ATP8A2: variants seen among roughly 807,000 people sequenced by gnomAD.
The protein encoded by ATP8A2 is phospholipid-transporting ATPase IB.
In ATP8A2, 100 loss-of-function variants were observed where a neutral mutation model predicts 165.6. That is an observed-to-expected ratio of 0.60 (90% confidence interval 0.51 to 0.71). ATP8A2 has a LOEUF of 0.71. ATP8A2 is among the 30% of genes least tolerant of loss of function. The pLI, the probability that ATP8A2 is intolerant of heterozygous loss-of-function variation, is 0.00. For missense variants in ATP8A2, 1,227 were observed against 1,479.5 expected, an observed-to-expected ratio of 0.83 and a Z score of 2.80; for synonymous variants, 543 against 548.8, an observed-to-expected ratio of 0.99 and a Z score of 0.15.
chr13:25,418,059 G>T (rs1176538757), intron 1 of ATP8A2, among the ~76,000 whole-genome samples: 1 of 152,080 alleles, frequency 6.6e-6, no homozygotes. Context: ...ATTTCCCCCT[G>T]TTAACAGACT....
intron 24 of ATP8A2, among the ~76,000 whole-genome samples, chr13:25,623,814 C>A (rs942422835): frequency 2.6e-5 from 4 of 151,754 alleles, no homozygotes; most frequent in African/African-American, 9.7e-5. Flanking sequence ...TCTAGATGAG[C>A]ATAAATGCAT....
chr13:25,944,624 AC>A (rs1955158129), intron 33 of ATP8A2: 1 of 152,286 alleles, frequency 6.6e-6, no homozygotes, highest in African/African-American at 2.4e-5. Context: ...GGAGCAGGGG[AC>A]CACCAGGTTG....
In ATP8A2 at chr13:25,966,302, G is replaced by A. The variant is rs1417507164; in HGVS notation, c.3273-2273G>A. ...CTGTCAAAGCTATGACTCAGAACAC[G>A]CCAAACGCCAGCTCCTGGTAAGACC... On this transcript the variant is annotated intron_variant, in intron 34 of 36. Transcript: ENST00000381655. Among the ~76,000 whole-genome samples, 4 of 152,176 alleles carry A rather than the reference G, an allele frequency of 2.6e-5. No homozygotes were observed. In the South Asian group the frequency reaches 6.2e-4, roughly 24 times the overall value.
At chr13:25,625,708 A>G (rs959186493) in intron 24 of ATP8A2, among the ~76,000 whole-genome samples, 6 of 152,232 alleles carry the variant, frequency 3.9e-5, no homozygotes, top group Admixed American at 2.6e-4. Context: ...CTTGCATCAC[A>G]TGACTGTTAC....
chr13:25,722,077 G>T (rs1177003793), intron 25 of ATP8A2, among the ~76,000 whole-genome samples: 1 of 152,176 alleles, frequency 6.6e-6, no homozygotes, highest in Non-Finnish European at 1.5e-5. Context: ...GTGTGGAAAG[G>T]TTCTAATTCC....
intron 10 of ATP8A2, among the ~76,000 whole-genome samples, chr13:25,544,188 G>A (rs1212520747): frequency 2.6e-5 from 4 of 152,188 alleles, no homozygotes; most frequent in Admixed American, 6.5e-5. Context: ...GCTTATCCTC[G>A]GGGAGCCAGT....
At position 25,931,248 on chromosome 13, in the gene ATP8A2, C is replaced by T. The variant is rs551002462; in HGVS notation, c.3184-30327C>T. Among the ~76,000 whole-genome samples the T allele has an allele frequency of 9.3e-4, 141 of 152,310 alleles. 1 individual carries two copies. The highest frequency in any genetic ancestry group is 3.4e-3 in the Middle Eastern group (1 of 294). On this transcript the variant is annotated intron_variant, in intron 33 of 36. Transcript: ENST00000381655. ...CCTAAGGGAAAAAGAAAATCACCTT[C>T]AGGTTATGTCTGTGAGGTATATATG... is the stretch of plus-strand genomic sequence containing the variant.
At chr13:25,946,780 C>A (rs1311154827) in intron 33 of ATP8A2, among the ~76,000 whole-genome samples, 2 of 152,150 alleles carry the variant, frequency 1.3e-5, no homozygotes, top group African/African-American at 2.4e-5. Context: ...CAGAGTCTTA[C>A]TCTGTTGCCC....
intron 2 of ATP8A2, among the ~76,000 whole-genome samples, chr13:25,514,599 G>C (rs969136005): frequency 6.6e-6 from 1 of 152,158 alleles, no homozygotes; most frequent in Non-Finnish European, 1.5e-5. Flanking sequence ...CCAGAAGAAG[G>C]GGGCTTGTGA....
intron 1 of ATP8A2, among the ~76,000 whole-genome samples, chr13:25,465,402 A>G (rs9511815): frequency 0.98 from 149,052 of 152,226 alleles, 73,023 homozygotes; most frequent in Non-Finnish European, 0.99. Context: ...AGCTGTGTTG[A>G]CCTGAAGCAT....
At chr13:25,658,888 C>T (rs1006259285) in intron 24 of ATP8A2, among the ~76,000 whole-genome samples, 1 of 152,160 alleles carries the variant, frequency 6.6e-6, no homozygotes, top group African/African-American at 2.4e-5. Flanking sequence ...AGTCAATAAA[C>T]TCAACCTGGT....
intron 1 of ATP8A2, among the ~76,000 whole-genome samples, chr13:25,401,265 T>C (rs1468080102): frequency 6.6e-6 from 1 of 152,206 alleles, no homozygotes; most frequent in Non-Finnish European, 1.5e-5. Flanking sequence ...AAATGTGCCA[T>C]TTAAAATGAG....
chr13:25,600,053 G>A (rs1252011423), intron 24 of ATP8A2, among the ~76,000 whole-genome samples: 1 of 152,108 alleles, frequency 6.6e-6, no homozygotes, highest in Non-Finnish European at 1.5e-5. Context: ...GTTAAGAATT[G>A]TTAATTAAGT....
At chr13:25,879,520 T>C (rs1952914882) in intron 33 of ATP8A2, among the ~76,000 whole-genome samples, 1 of 152,244 alleles carries the variant, frequency 6.6e-6, no homozygotes, top group African/African-American at 2.4e-5. Context: ...CCAAGGAGGC[T>C]ACTTCGGACC....
At chr13:25,570,363 G>T (rs1026344531) in intron 16 of ATP8A2, among the ~76,000 whole-genome samples, 2 of 152,226 alleles carry the variant, frequency 1.3e-5, no homozygotes, top group South Asian at 4.1e-4. Context: ...ACAGGGAGGC[G>T]GAAGCAGAGG....
chr13:25,401,650 A>G (rs1209844750), intron 1 of ATP8A2, among the ~76,000 whole-genome samples: 2 of 152,220 alleles, frequency 1.3e-5, no homozygotes, highest in Non-Finnish European at 2.9e-5. Context: ...AGATGTGTCC[A>G]GTATTCATGG....
At chr13:25,938,641 C>G (rs1202727579) in intron 33 of ATP8A2, among the ~76,000 whole-genome samples, 2 of 152,134 alleles carry the variant, frequency 1.3e-5, no homozygotes, top group African/African-American at 2.4e-5. Flanking sequence ...CCAGGAGCCT[C>G]TAGGCCCAAG....
At chr13:25,430,918 T>C (rs668001) in intron 1 of ATP8A2, among the ~76,000 whole-genome samples, 103,807 of 151,908 alleles carry the variant, frequency 0.68, 36,247 homozygotes, top group East Asian at 0.99. Flanking sequence ...ATAGTGGTCT[T>C]TTAAGCATGA....
At chr13:25,723,420 C>G (rs1301427636) in intron 25 of ATP8A2, among the ~76,000 whole-genome samples, 2 of 152,166 alleles carry the variant, frequency 1.3e-5, no homozygotes, top group Non-Finnish European at 2.9e-5. Flanking sequence ...CATTCCTTAT[C>G]TTTAGCAATG....
Sources: gnomAD v4.1 joint callset for allele counts (sites outside exome capture counted in the v4.1 genomes callset) on GRCh38, gnomAD v4.1.1 for gene constraint, MANE v1.5 for transcripts, NCBI Gene and HGNC (gene_info 2026-07-23, HGNC 2026-07-21) for gene names.